Variants in RNLS observed in about 807,000 individuals in gnomAD.
The protein encoded by RNLS is renalase, FAD dependent amine oxidase, also known as renalase.
Under a neutral mutation model 39.8 loss-of-function variants are expected in RNLS, and 39 were observed. The ratio of observed to expected loss-of-function variants is 0.98; its 90% CI spans 0.76 to 1.28. RNLS has a LOEUF of 1.28. Ranked by LOEUF, RNLS falls within the 50% of genes most tolerant of loss-of-function variation. RNLS has a pLI of 0.00. For synonymous variants in RNLS, 147 were observed against 150.7 expected, an observed-to-expected ratio of 0.98 and a Z score of 0.18; for missense variants, 410 against 413.3, an observed-to-expected ratio of 0.99 and a Z score of 0.07.
intron 4 of RNLS, among the ~76,000 whole-genome samples, chr10:88,419,793 T>TCA (rs1440094298): frequency 6.6e-6 from 1 of 151,888 alleles, no homozygotes; most frequent in Non-Finnish European, 1.5e-5. Flanking sequence ...TCACCTGAGG[T>TCA]CAGGAGTTTG....
At position 88,565,814 on chromosome 10, in the gene RNLS, A is replaced by T. The variant is rs1336351128; in HGVS notation, c.526+7089T>A. ...CACCAGGCTGGAGTGCAGTGGCGTGATCTTGGCTCACTGCAACCTCCGCCT... is the reference window on the plus strand; with the variant it reads ...CACCAGGCTGGAGTGCAGTGGCGTGTTCTTGGCTCACTGCAACCTCCGCCT... On this transcript the variant is annotated intron_variant, in intron 4 of 6. Transcript: ENST00000331772. Among the ~76,000 whole-genome samples the T allele has an allele frequency of 3.9e-5, 5 of 126,724 alleles. No individual in the cohort carries two copies. In the East Asian group the frequency reaches 1.1e-3, roughly 29 times the overall value. 83.1% of individuals were successfully genotyped at this position (126,724 alleles called of 152,430 possible).
intron 4 of RNLS, among the ~76,000 whole-genome samples, chr10:88,565,725 A>G (rs1849454600): frequency 6.6e-6 from 1 of 151,614 alleles, no homozygotes; most frequent in East Asian, 1.9e-4. Flanking sequence ...CATTTTTTTA[A>G]AACAGTGTCA....
the RNLS span, among the ~76,000 whole-genome samples, chr10:88,227,615 G>A: frequency 4.6e-5 from 7 of 152,330 alleles, no homozygotes; most frequent in East Asian, 1.4e-3. Flanking sequence ...TTAGTTAAAG[G>A]ACTGGGGAAA....
intron 4 of RNLS, among the ~76,000 whole-genome samples, chr10:88,386,368 A>G (rs550546691): frequency 1.3e-5 from 2 of 152,180 alleles, no homozygotes; most frequent in African/African-American, 2.4e-5. Flanking sequence ...TTAGTTCTAA[A>G]GGTCAGAGCC....
chr10:88,233,726 C>T, the RNLS span, among the ~76,000 whole-genome samples: 3 of 152,014 alleles, frequency 2.0e-5, no homozygotes, highest in Non-Finnish European at 4.4e-5. Context: ...AAGCCTGTTC[C>T]CTCTGTCTTG....
At chr10:88,544,638 G>T (rs1465472513) in intron 4 of RNLS, among the ~76,000 whole-genome samples, 1 of 152,184 alleles carries the variant, frequency 6.6e-6, no homozygotes, top group Non-Finnish European at 1.5e-5. Flanking sequence ...AAAATGTCAA[G>T]TGTGGCCTGT....
In RNLS at chr10:88,463,330, C is replaced by T. The variant is rs143554442; in HGVS notation, c.527-100605G>A. ...TGCAGAAGTTATAGTCATTCTTCTA[C>T]AAGCCAAAGAATGCCAACAATTACC... On this transcript the variant is annotated intron_variant, in intron 4 of 6. Transcript: ENST00000331772. 3.1e-3 allele frequency among the ~76,000 whole-genome samples: 472 copies of T among 152,114 alleles called. 4 individuals carry two copies. The highest frequency in any genetic ancestry group is 0.011 in the African/African-American group (451 of 41,520).
At chr10:88,581,791 TCA>T in intron 2 of RNLS, 82 bp from the exon 3 acceptor site, 1 of 910,544 alleles carries the variant, frequency 1.1e-6, no homozygotes, top group Non-Finnish European at 1.5e-6. Flanking sequence ...TCAATAATTC[TCA>T]GAGGTTATAA....
At chr10:88,219,843 C>G in the RNLS span, among the ~76,000 whole-genome samples, 1 of 152,206 alleles carries the variant, frequency 6.6e-6, no homozygotes, top group African/African-American at 2.4e-5. Flanking sequence ...TCCTTTTGAA[C>G]TCTCCTCTTA....
At chr10:88,456,344 T>C (rs1056039672) in intron 4 of RNLS, among the ~76,000 whole-genome samples, 1 of 151,188 alleles carries the variant, frequency 6.6e-6, no homozygotes, top group Non-Finnish European at 1.5e-5. Flanking sequence ...CTATCATATA[T>C]TTTCTTGATG....
chr10:88,241,332 G>A, the RNLS span, among the ~76,000 whole-genome samples: 9 of 148,672 alleles, frequency 6.1e-5, no homozygotes, highest in African/African-American at 2.0e-4. Context: ...TTTTTTCCTC[G>A]CTGGTTATAG....
chr10:88,203,271 TATATATATATATATATATAC>T, the RNLS span, among the ~76,000 whole-genome samples: 8 of 7,356 alleles, frequency 1.1e-3, no homozygotes, highest in African/African-American at 4.7e-3. Context: ...TGTGTATGTA[TATATATATATATATATATAC>T]GTATGTATAT....
chr10:88,551,465 T>C (rs1288992639), intron 4 of RNLS, among the ~76,000 whole-genome samples: 3 of 152,200 alleles, frequency 2.0e-5, no homozygotes, highest in Admixed American at 6.5e-5. Flanking sequence ...GTCACACTTA[T>C]TTATGAAAAT....
At chr10:88,378,658 C>A (rs541790349) in intron 4 of RNLS, among the ~76,000 whole-genome samples, 3 of 152,174 alleles carry the variant, frequency 2.0e-5, no homozygotes, top group South Asian at 2.1e-4. Flanking sequence ...AACAGACAGG[C>A]CTTACTGGGT....
Position 88,542,953 on chromosome 10 carries a change from C to A in RNLS, c.526+29950G>T, listed in dbSNP as rs1408098967. 2.0e-5 allele frequency among the ~76,000 whole-genome samples: 3 copies of A among 151,708 alleles called. No homozygotes were observed. The East Asian group carries it at 5.8e-4, about 29-fold the overall frequency. Reference sequence around the variant, plus strand: ...AAACCATTATTTTCCTAACACACAACAATGAGGACAAAGTTACCAGTAAAC... The same window carrying A: ...AAACCATTATTTTCCTAACACACAAAAATGAGGACAAAGTTACCAGTAAAC... On this transcript the variant is annotated intron_variant, in intron 4 of 6. Transcript: ENST00000331772.
rs528358133 is a variant in RNLS, at chr10:88,298,417, G to A, written c.877-12911C>T. ...CTAAGAAACCATTGCCAAATCCGAG[G>A]TTATGAAGATTTACCAGTATGTTTT... On this transcript the variant is annotated intron_variant, in intron 6 of 6. Coordinates refer to ENST00000331772, the MANE Select transcript of RNLS (RefSeq NM_001031709.3). 3.3e-5 allele frequency among the ~76,000 whole-genome samples: 5 copies of A among 152,114 alleles called. No homozygotes were observed. The East Asian group carries it at 5.8e-4, about 18-fold the overall frequency.
chr10:88,448,989 G>C (rs1842203271), intron 4 of RNLS, among the ~76,000 whole-genome samples: 1 of 152,126 alleles, frequency 6.6e-6, no homozygotes, highest in Admixed American at 6.5e-5. Flanking sequence ...TCACACACCG[G>C]GGCCTGTTGT....
chr10:88,197,394 G>A, the RNLS span, among the ~76,000 whole-genome samples: 5 of 152,174 alleles, frequency 3.3e-5, no homozygotes, highest in East Asian at 9.7e-4. Context: ...CACTTCCTGG[G>A]GCCCGGCTGT....
At chr10:88,183,090 G>T in the RNLS span, among the ~76,000 whole-genome samples, 2 of 152,086 alleles carry the variant, frequency 1.3e-5, no homozygotes, top group Non-Finnish European at 2.9e-5. Flanking sequence ...CACAGATTTG[G>T]GGTTCAGTGA....
Sources: gnomAD v4.1 joint callset for allele counts (sites outside exome capture counted in the v4.1 genomes callset) on GRCh38, gnomAD v4.1.1 for gene constraint, MANE v1.5 for transcripts, NCBI Gene and HGNC (gene_info 2026-07-23, HGNC 2026-07-21) for gene names.